GPC6: variants seen among roughly 807,000 people sequenced by gnomAD.
The protein encoded by GPC6 is glypican 6, also known as glypican-6.
A neutral mutation model predicts 55.2 loss-of-function variants in GPC6; 14 were observed. The ratio of observed to expected loss-of-function variants is 0.25; its 90% CI spans 0.17 to 0.40. The LOEUF (loss-of-function observed/expected upper bound fraction) is 0.40. GPC6 is among the 10% of genes least tolerant of loss of function. The pLI, the probability that GPC6 is intolerant of heterozygous loss-of-function variation, is 1.00. For missense variants in GPC6, 641 were observed against 708.5 expected (o/e 0.90, Z 1.08); for synonymous variants, 278 against 259.6 (o/e 1.07, Z -0.68).
At chr13:94,065,555 C>G (rs1884488496) in intron 4 of GPC6, among the ~76,000 whole-genome samples, 1 of 152,198 alleles carries the variant, frequency 6.6e-6, no homozygotes, top group African/African-American at 2.4e-5. Flanking sequence ...TGTGATTTTA[C>G]TGTTCTCATA....
chr13:93,847,487 G>A (rs1001410835), intron 3 of GPC6, among the ~76,000 whole-genome samples: 2 of 151,930 alleles, frequency 1.3e-5, no homozygotes, highest in Non-Finnish European at 2.9e-5. Flanking sequence ...GGTAAAGAAG[G>A]TTCTTTTCAG....
intron 2 of GPC6, among the ~76,000 whole-genome samples, chr13:93,620,132 T>C (rs1057318878): frequency 2.0e-5 from 3 of 152,180 alleles, no homozygotes; most frequent in African/African-American, 7.2e-5. Context: ...CTTTATATTG[T>C]TTTTGGATTT....
intron 2 of GPC6, among the ~76,000 whole-genome samples, chr13:93,696,440 G>A (rs1181246920): frequency 6.6e-6 from 1 of 151,806 alleles, no homozygotes; most frequent in African/African-American, 2.4e-5. Context: ...CTACTATTTG[G>A]ACTATTTTAA....
chr13:93,615,576 G>T (rs1028188293), intron 2 of GPC6, among the ~76,000 whole-genome samples: 1 of 152,054 alleles, frequency 6.6e-6, no homozygotes, highest in Non-Finnish European at 1.5e-5. Context: ...CATAGATCAC[G>T]CATCAACATA....
At chr13:93,445,642 A>C (rs1877972868) in intron 1 of GPC6, among the ~76,000 whole-genome samples, 1 of 152,170 alleles carries the variant, frequency 6.6e-6, no homozygotes. Context: ...AATTACACTA[A>C]CTTGCATTTA....
At chr13:93,350,817 G>T (rs570255829) in intron 1 of GPC6, among the ~76,000 whole-genome samples, 9 of 152,278 alleles carry the variant, frequency 5.9e-5, no homozygotes, top group Admixed American at 3.3e-4. Flanking sequence ...ATGTCTATCA[G>T]ATTGATGTTG....
intron 7 of GPC6, among the ~76,000 whole-genome samples, chr13:94,387,793 A>G (rs567077626): frequency 6.7e-6 from 1 of 149,566 alleles, no homozygotes; most frequent in African/African-American, 2.5e-5. Context: ...CAAGGCAGCC[A>G]TCAGCAAACT....
At chr13:94,079,290 A>G (rs1359189596) in intron 4 of GPC6, among the ~76,000 whole-genome samples, 1 of 152,092 alleles carries the variant, frequency 6.6e-6, no homozygotes, top group Non-Finnish European at 1.5e-5. Context: ...ACATTTTGCT[A>G]TAAGGCTACA....
chr13:93,884,441 A>AT (rs908682446), intron 3 of GPC6, among the ~76,000 whole-genome samples: 54 of 151,878 alleles, frequency 3.6e-4, no homozygotes, highest in Non-Finnish European at 6.8e-4. Context: ...GCTATTATGG[A>AT]TTTTTTTTAT....
rs1882964866 is a variant in GPC6, at chr13:94,027,902, G to T, written c.877+8G>T. The T allele has an allele frequency of 6.2e-6, 10 of 1,612,776 alleles. No individual in the cohort carries two copies. Among genetic ancestry groups the T allele is most frequent in the Non-Finnish European group, 8.5e-6 (10 of 1,178,800 alleles). On this transcript the variant is annotated splice_region_variant and intron_variant, in intron 4 of 8. Transcript: ENST00000377047. ...AGTGGAATCTGTTTATAGGTAAGAA[G>T]TGTTTAAATGGATCCGAGAACAGAG...
intron 3 of GPC6, among the ~76,000 whole-genome samples, chr13:93,833,812 A>G (rs1887625683): frequency 6.6e-6 from 1 of 152,112 alleles, no homozygotes. Context: ...TCTGCTTGCC[A>G]TCTTATGGAT....
At chr13:94,173,419 T>C (rs1032752255) in intron 4 of GPC6, among the ~76,000 whole-genome samples, 3 of 152,090 alleles carry the variant, frequency 2.0e-5, no homozygotes, top group Non-Finnish European at 4.4e-5. Flanking sequence ...CACAGGAGTT[T>C]AGAATGTTGT....
At chr13:93,457,924 A>G (rs1208371687) in intron 1 of GPC6, among the ~76,000 whole-genome samples, 1 of 152,166 alleles carries the variant, frequency 6.6e-6, no homozygotes, top group Non-Finnish European at 1.5e-5. Flanking sequence ...AGGACTTGAA[A>G]TGTTGAGCCA....
At chr13:93,414,413 T>C (rs1200088950) in intron 1 of GPC6, among the ~76,000 whole-genome samples, 1 of 152,180 alleles carries the variant, frequency 6.6e-6, no homozygotes, top group East Asian at 1.9e-4. Flanking sequence ...TTGTAAATGT[T>C]TGTTTTGCTT....
At chr13:94,356,888 T>A (rs972993314) in intron 6 of GPC6, among the ~76,000 whole-genome samples, 6 of 151,908 alleles carry the variant, frequency 3.9e-5, no homozygotes, top group African/African-American at 1.5e-4. Flanking sequence ...AACAACAGAG[T>A]GAGACCCTGT....
chr13:94,383,001 G>A (rs745393947), intron 7 of GPC6, among the ~76,000 whole-genome samples: 11 of 152,020 alleles, frequency 7.2e-5, no homozygotes, highest in Admixed American at 1.3e-4. Context: ...CATTGGCAAC[G>A]TAACAGAAAA....
At chr13:93,587,892 A>G (rs1276589606) in intron 2 of GPC6, among the ~76,000 whole-genome samples, 4 of 152,222 alleles carry the variant, frequency 2.6e-5, no homozygotes, top group Non-Finnish European at 5.9e-5. Flanking sequence ...GGTAAGAATT[A>G]ATGAACTCTC....
At chr13:93,217,869 G>T in the GPC6 span, among the ~76,000 whole-genome samples, 3 of 152,070 alleles carry the variant, frequency 2.0e-5, no homozygotes, top group African/African-American at 4.8e-5. Flanking sequence ...ATTCTCTAAT[G>T]GCTCTATGAC....
intron 3 of GPC6, among the ~76,000 whole-genome samples, chr13:93,978,543 C>T (rs1045302887): frequency 1.3e-5 from 2 of 152,154 alleles, no homozygotes; most frequent in African/African-American, 2.4e-5. Flanking sequence ...TATGCATCTA[C>T]ATCTACAGAT....
Sources: allele counts gnomAD v4.1 joint callset (sites outside exome capture counted in the v4.1 genomes callset), GRCh38; gene constraint gnomAD v4.1.1; transcripts MANE v1.5; gene names NCBI Gene and HGNC (gene_info 2026-07-23, HGNC 2026-07-21).